Variants in ANKFY1 observed in about 807,000 individuals in gnomAD.
ANKFY1 encodes the protein ankyrin repeat and FYVE domain-containing protein 1.
Under a neutral mutation model 128.3 loss-of-function variants are expected in ANKFY1, and 47 were observed. That is an observed-to-expected ratio of 0.37 (90% CI 0.29 to 0.47). The LOEUF (loss-of-function observed/expected upper bound fraction) is 0.47, where lower values mean the gene tolerates loss of function less well. ANKFY1 is among the 20% of genes least tolerant of loss of function. The pLI, the probability that ANKFY1 is intolerant of heterozygous loss-of-function variation, is 1.00. For synonymous variants in ANKFY1, 553 were observed against 601.6 expected, an observed-to-expected ratio of 0.92 and a Z score of 1.18; for missense variants, 1,222 against 1,510.6, an observed-to-expected ratio of 0.81 and a Z score of 3.17.
At chr17:4,212,966 G>A (rs1032672093) in intron 4 of ANKFY1, among the ~76,000 whole-genome samples, 5 of 151,530 alleles carry the variant, frequency 3.3e-5, no homozygotes, top group Admixed American at 6.6e-5. Flanking sequence ...TAGTAGAGAC[G>A]GGGTTTCCCC....
intron 1 of ANKFY1, among the ~76,000 whole-genome samples, chr17:4,247,302 C>T (rs1049726845): frequency 6.6e-6 from 1 of 152,126 alleles, no homozygotes; most frequent in Admixed American, 6.6e-5. Context: ...CCAAAATCTA[C>T]AGCAACAGCC....
At chr17:4,193,418 T>A (rs2059752978) in intron 10 of ANKFY1, among the ~76,000 whole-genome samples, 1 of 75,974 alleles carries the variant, frequency 1.3e-5, no homozygotes, top group South Asian at 1.0e-3. Flanking sequence ...ACCAGTCGAC[T>A]CTTTTTTTTT....
At chr17:4,260,870 T>C (rs765967462) in intron 1 of ANKFY1, among the ~76,000 whole-genome samples, 1 of 152,184 alleles carries the variant, frequency 6.6e-6, no homozygotes, top group African/African-American at 2.4e-5. Context: ...CATTCTCACA[T>C]GGCCAACCAA....
chr17:4,239,162 T>C (rs1464171716), intron 2 of ANKFY1, among the ~76,000 whole-genome samples: 1 of 152,166 alleles, frequency 6.6e-6, no homozygotes. Flanking sequence ...CTCATTCCCA[T>C]TGTCTCCTAG....
rs1470008776 is a variant in ANKFY1 at position 4,178,667 on chromosome 17, C to T, written c.2598+190G>A. ...AGCCGGGCACTGTCAGGCGCTGACA[C>T]ACAGGCAGAGGAGCCGGATCTCATC... On this transcript the variant is annotated intron_variant, in intron 18 of 24. Transcript: ENST00000341657. The surrounding 1 kb of genome is among the most constrained non-coding windows in gnomAD (Gnocchi z 4.1). The T allele has an allele frequency of 3.0e-5, 19 of 626,160 alleles. No homozygotes were observed. The highest frequency in any genetic ancestry group is 5.3e-5 in the Non-Finnish European group (19 of 358,524). The allele number at this position is 626,160 out of a possible 1,614,324, so 38.8% of individuals were successfully genotyped here.
At chr17:4,222,998 AG>A (rs1309062321) in intron 3 of ANKFY1, 26 of 860,942 alleles carry the variant, frequency 3.0e-5, no homozygotes, top group Non-Finnish European at 1.8e-5. Flanking sequence ...TGAAGGATAT[AG>A]CAATATCCAG....
chr17:4,209,785 C>T, intron 5 of ANKFY1, 39 bp downstream of exon 5: 1 of 1,575,836 alleles, frequency 6.3e-7, no homozygotes, highest in Non-Finnish European at 8.7e-7. Context: ...TCCTGACTGC[C>T]AGCTAGAGTG....
At position 4,169,136 on chromosome 17, in the gene ANKFY1, G is replaced by C. The variant is rs561570653; in HGVS notation, c.3377+62C>G. On this transcript the variant is annotated intron_variant, in intron 24 of 24. Transcript: ENST00000341657. This position sits in a 1 kb window ranked among gnomAD's most constrained non-coding sequence, Gnocchi z 5.0. The stretch of plus-strand genomic sequence containing the variant: ...AAGTTCACGGCCTGTCCTGGAGAAG[G>C]GGGGAAGCAATGACATCAGCGGCAG... The C allele has an allele frequency of 7.6e-6, 11 of 1,451,162 alleles. No individual in the cohort carries two copies. Among genetic ancestry groups the C allele is most frequent in the Admixed American group, 2.0e-5 (1 of 50,496 alleles). The allele number at this position is 1,451,162 out of a possible 1,614,324, so 89.9% of individuals were successfully genotyped here. A position where few individuals can be genotyped will look rare whatever the true frequency, so the allele number is the denominator to read the frequency against.
intron 3 of ANKFY1, among the ~76,000 whole-genome samples, chr17:4,224,756 G>A (rs2060394613): frequency 6.6e-6 from 1 of 152,102 alleles, no homozygotes; most frequent in East Asian, 1.9e-4. Context: ...GTGGAAATTA[G>A]CTTTTCTGTG....
chr17:4,246,912 G>A (rs1477635263), intron 1 of ANKFY1, among the ~76,000 whole-genome samples: 2 of 152,036 alleles, frequency 1.3e-5, no homozygotes, highest in South Asian at 4.2e-4. Flanking sequence ...ATGAGTTTGA[G>A]ACCAGCCTGG....
intron 17 of ANKFY1, 135 bp downstream of exon 17, chr17:4,179,586 C>A: frequency 2.6e-6 from 3 of 1,144,494 alleles, no homozygotes; most frequent in Non-Finnish European, 3.7e-6. Flanking sequence ...AAATCATGAA[C>A]GCTGCTAGGG....
chr17:4,167,952 GAC>G lies in ANKFY1; in HGVS notation c.3378-43_3378-42del, dbSNP rs1469193397. ...AAGGAAGTATGAGAGGAGCGCCAACGACAGACTCTGCTTCCTGGCACGTGAGG... is the reference window on the plus strand; with the variant it reads ...AAGGAAGTATGAGAGGAGCGCCAACGAGACTCTGCTTCCTGGCACGTGAGG... On this transcript the variant is annotated intron_variant, in intron 24 of 24. Transcript: ENST00000341657. The surrounding 1 kb of genome is among the most constrained non-coding windows in gnomAD (Gnocchi z 4.1). 6.3e-7 allele frequency: 1 copy of G among 1,592,126 alleles called. No homozygotes were observed. Among genetic ancestry groups the G allele is most frequent in the African/African-American group, 1.3e-5 (1 of 74,422 alleles).
In ANKFY1 at chr17:4,184,915, C is replaced by T. The variant is rs1427795078; in HGVS notation, c.1602G>A (p.Leu534=). The change falls in exon 12 of 25, where the codon CTG becomes CTA. Residue 534 remains leucine (L), a synonymous_variant. Transcript: ENST00000341657. The stretch of plus-strand genomic sequence containing the variant: ...GATGGACGCTGTCCGCCAAGCTGGT[C>T]AGGGATGCGGCCTCCTTTGGCAGAG... ...ALPLPKEAAS[L]TSLADSVHLQ... is the part of the protein sequence containing the mutation. 5 of 1,614,112 alleles carry T rather than the reference C, an allele frequency of 3.1e-6. No homozygotes were observed. The highest frequency in any genetic ancestry group is 1.7e-5 in the Admixed American group (1 of 60,030).
chr17:4,189,899 C>CT (rs2059686792), intron 10 of ANKFY1, among the ~76,000 whole-genome samples: 1 of 151,200 alleles, frequency 6.6e-6, no homozygotes, highest in South Asian at 2.1e-4. Flanking sequence ...CAGGTACTCT[C>CT]TGTGTGTGGA....
Position 4,263,562 on chromosome 17 carries a change from C to G in ANKFY1, c.10+370G>C, listed in dbSNP as rs559736119. 8 of 1,534,038 alleles carry G rather than the reference C, an allele frequency of 5.2e-6. No individual in the cohort carries two copies. The African/African-American group carries it at 8.2e-5, about 16-fold the overall frequency. ...CTTCCGGATGCAGAACGTGCCAGGA[C>G]AGCAGTTTCGATTTCCTAAGGAGAA... On this transcript the variant is annotated intron_variant, in intron 1 of 24. Coordinates refer to ENST00000341657, the MANE Select transcript of ANKFY1 (RefSeq NM_001330063.2).
At chr17:4,211,336 G>C (rs1250975709) in intron 4 of ANKFY1, among the ~76,000 whole-genome samples, 3 of 151,396 alleles carry the variant, frequency 2.0e-5, no homozygotes, top group Admixed American at 1.3e-4. Context: ...GGCAGAGGTT[G>C]CAGTGAGCTG....
rs895193667 is a variant in ANKFY1 at position 4,172,571 on chromosome 17, C to T, written c.3124G>A (p.Ala1042Thr). The T allele has an allele frequency of 1.9e-6, 3 of 1,613,778 alleles. No individual in the cohort carries two copies. Among genetic ancestry groups the T allele is most frequent in the African/African-American group, 2.7e-5 (2 of 74,922 alleles). ...MPGYPLDKPD[A>T]DGSTVLLLAY... ...TGGTACACACCCGTGCTGCCGTCTG[C>T]ATCCGGCTTGTCCAGAGGATACCCC... The change falls in exon 22 of 25, where the codon GCA (alanine) becomes ACA (threonine). Residue 1042 changes from alanine (A) to threonine (T), a missense_variant. Ala to Thr is a moderately conservative substitution (Grantham distance 58). Transcript: ENST00000341657.
intron 2 of ANKFY1, among the ~76,000 whole-genome samples, chr17:4,236,202 T>C (rs1332902344): frequency 6.6e-6 from 1 of 152,184 alleles, no homozygotes; most frequent in Non-Finnish European, 1.5e-5. Context: ...AATATTCACA[T>C]AAAAAGTAGA....
chr17:4,203,840 AAAAAG>A (rs1448204781), intron 7 of ANKFY1, among the ~76,000 whole-genome samples: 82 of 143,004 alleles, frequency 5.7e-4, no homozygotes, highest in South Asian at 1.8e-3. Context: ...AAAAAAAAAA[AAAAAG>A]AAAGAAAGAA....
Sources: gnomAD v4.1 joint callset for allele counts (sites outside exome capture counted in the v4.1 genomes callset) on GRCh38, gnomAD v4.1.1 for gene constraint, Gnocchi (gnomAD v3.1) non-coding constraint, MANE v1.5 for transcripts, NCBI Gene and HGNC (gene_info 2026-07-23, HGNC 2026-07-21) for gene names.